The following ROBO2 variants were observed in gnomAD, a reference collection of about 807,000 sequenced individuals.
ROBO2 encodes roundabout guidance receptor 2.
Under a neutral mutation model 160.8 loss-of-function variants are expected in ROBO2, and 53 were observed. The ratio of observed to expected loss-of-function variants is 0.33; its 90% CI spans 0.26 to 0.41. The LOEUF is 0.41. Ranked by LOEUF, ROBO2 falls within the 10% of genes least tolerant of loss-of-function variation. ROBO2 has a pLI of 1.00. For missense variants in ROBO2, 1,577 were observed against 1,722.4 expected (o/e 0.92, Z 1.49); for synonymous variants, 664 against 611.7 (o/e 1.09, Z -1.26).
chr3:77,047,336 G>A (rs1181413984), intron 1 of ROBO2, among the ~76,000 whole-genome samples: 1 of 152,114 alleles, frequency 6.6e-6, no homozygotes, highest in Non-Finnish European at 1.5e-5. Flanking sequence ...AATGGGCATG[G>A]TAATAATGTA....
chr3:75,910,731 A>G (rs1052865484), intron 1 of ROBO2, among the ~76,000 whole-genome samples: 1 of 152,154 alleles, frequency 6.6e-6, no homozygotes, highest in Non-Finnish European at 1.5e-5. Context: ...CTGAAGGGTA[A>G]TTAAGAATAG....
chr3:75,964,248 C>T (rs1315634208), intron 2 of ROBO2, among the ~76,000 whole-genome samples: 3 of 151,720 alleles, frequency 2.0e-5, no homozygotes, highest in African/African-American at 7.2e-5. Flanking sequence ...AAATTCTCTG[C>T]CTGCATTAGA....
intron 2 of ROBO2, among the ~76,000 whole-genome samples, chr3:77,433,871 C>G (rs2079034860): frequency 6.6e-6 from 1 of 152,014 alleles, no homozygotes; most frequent in Non-Finnish European, 1.5e-5. Flanking sequence ...CCCTTATCCC[C>G]TGGATCAAAT....
intron 4 of ROBO2, among the ~76,000 whole-genome samples, chr3:77,483,086 A>G (rs1217123539): frequency 6.6e-6 from 1 of 152,128 alleles, no homozygotes. Context: ...TATTATCCAA[A>G]TAGATTGAAT....
chr3:75,933,516 A>ATT (rs879322188), intron 1 of ROBO2, among the ~76,000 whole-genome samples: 4 of 144,684 alleles, frequency 2.8e-5, no homozygotes, highest in African/African-American at 7.6e-5. Context: ...TCCAGAGAGG[A>ATT]TTTTTTTTTT....
intron 4 of ROBO2, among the ~76,000 whole-genome samples, chr3:77,482,575 T>C (rs116629130): frequency 0.018 from 2,695 of 152,252 alleles, 74 homozygotes; most frequent in African/African-American, 0.059. Flanking sequence ...TCCCATAATT[T>C]GTTAAAGGAA....
intron 2 of ROBO2, among the ~76,000 whole-genome samples, chr3:76,925,900 T>C (rs2076962506): frequency 6.6e-6 from 1 of 152,168 alleles, no homozygotes; most frequent in Non-Finnish European, 1.5e-5. Context: ...CCTATAATCC[T>C]CTGGACAAAG....
Position 77,570,432 on chromosome 3 carries a change from C to A in ROBO2, c.1971+1998C>A, listed in dbSNP as rs1474821394. Among the ~76,000 whole-genome samples the A allele has an allele frequency of 2.6e-5, 4 of 152,056 alleles. No individual in the cohort carries two copies. The South Asian group carries it at 8.3e-4, about 32-fold the overall frequency. On this transcript the variant is annotated intron_variant, in intron 13 of 25. Coordinates refer to ENST00000461745, the Ensembl canonical transcript of ROBO2. The stretch of plus-strand genomic sequence containing the variant: ...GGCTGTAACTTCTGTGAGGCTACAG[C>A]CAATTTCTTTCATTTCTGTTTTTTT...
At chr3:76,639,872 C>G (rs1237254494) in intron 2 of ROBO2, among the ~76,000 whole-genome samples, 1 of 152,138 alleles carries the variant, frequency 6.6e-6, no homozygotes, top group African/African-American at 2.4e-5. Context: ...ATAATACCAC[C>G]TAACACATAT....
intron 2 of ROBO2, among the ~76,000 whole-genome samples, chr3:76,284,719 CA>C (rs1443512299): frequency 1.1e-4 from 17 of 152,026 alleles, no homozygotes; most frequent in African/African-American, 3.9e-4. Flanking sequence ...TAATTTTATC[CA>C]GAGGCCTGAC....
chr3:76,677,793 T>C (rs553547675), intron 2 of ROBO2, among the ~76,000 whole-genome samples: 1 of 152,076 alleles, frequency 6.6e-6, no homozygotes, highest in African/African-American at 2.4e-5. Flanking sequence ...GATTATAAGT[T>C]ACTATGAAAC....
chr3:77,639,303 C>G (rs2095313821), intron 24 of ROBO2, among the ~76,000 whole-genome samples: 1 of 152,062 alleles, frequency 6.6e-6, no homozygotes, highest in Non-Finnish European at 1.5e-5. Flanking sequence ...GACAAAATCC[C>G]CTGCCTTTTT....
chr3:76,388,566 C>CT (rs1307488262), intron 2 of ROBO2, among the ~76,000 whole-genome samples: 1 of 152,128 alleles, frequency 6.6e-6, no homozygotes, highest in Non-Finnish European at 1.5e-5. Context: ...TTTACCAAAT[C>CT]TTATTTGTAT....
chr3:77,233,674 T>A (rs941664557), intron 2 of ROBO2, among the ~76,000 whole-genome samples: 1 of 152,224 alleles, frequency 6.6e-6, no homozygotes, highest in Non-Finnish European at 1.5e-5. Flanking sequence ...TATTTAATAA[T>A]TGAAATCAAG....
chr3:76,476,088 G>T (rs1054527294), intron 2 of ROBO2, among the ~76,000 whole-genome samples: 9 of 152,208 alleles, frequency 5.9e-5, no homozygotes, highest in African/African-American at 1.7e-4. Flanking sequence ...CGGAGGTGGA[G>T]GTTTCAGTGA....
chr3:75,950,781 T>G (rs959165550), intron 2 of ROBO2, among the ~76,000 whole-genome samples: 10 of 152,004 alleles, frequency 6.6e-5, no homozygotes, highest in African/African-American at 2.4e-4. Context: ...TTGATTGACA[T>G]GTCTATGTGG....
chr3:77,557,657 T>C (rs1328075706), intron 8 of ROBO2, among the ~76,000 whole-genome samples: 3 of 151,976 alleles, frequency 2.0e-5, no homozygotes, highest in Non-Finnish European at 2.9e-5. Flanking sequence ...TAAGTCTTTA[T>C]AAAATGTCAG....
intron 2 of ROBO2, among the ~76,000 whole-genome samples, chr3:77,350,603 TAG>T (rs1375127037): frequency 1.3e-5 from 2 of 152,136 alleles, no homozygotes; most frequent in Non-Finnish European, 2.9e-5. Context: ...TTTTCTTGTA[TAG>T]AGTCTTAACA....
intron 2 of ROBO2, among the ~76,000 whole-genome samples, chr3:76,932,084 A>AT (rs1429628605): frequency 1.3e-5 from 2 of 152,124 alleles, no homozygotes; most frequent in East Asian, 1.9e-4. Flanking sequence ...ATATCAAGTC[A>AT]TTTTTTCAGC....
Sources: allele counts gnomAD v4.1 joint callset (sites outside exome capture counted in the v4.1 genomes callset), GRCh38; gene constraint gnomAD v4.1.1; transcripts MANE v1.5; gene names NCBI Gene and HGNC (gene_info 2026-07-23, HGNC 2026-07-21).